ITPRID1: variants seen among roughly 807,000 people sequenced by gnomAD.
ITPRID1 encodes the protein protein ITPRID1.
Under a neutral mutation model 95.4 loss-of-function variants are expected in ITPRID1, and 96 were observed. The observed-to-expected ratio is 1.01, with a 90% CI of 0.85 to 1.19. The LOEUF is 1.19. ITPRID1 is among the 50% of genes most tolerant of loss of function. The pLI is 0.00. For missense variants in ITPRID1, 1,339 were observed against 1,252.9 expected, an observed-to-expected ratio of 1.07 and a Z score of -1.04; for synonymous variants, 510 against 453.6, an observed-to-expected ratio of 1.12 and a Z score of -1.58.
At chr7:31,637,856 T>G (rs1789639200) in intron 10 of ITPRID1, among the ~76,000 whole-genome samples, 1 of 152,232 alleles carries the variant, frequency 6.6e-6, no homozygotes, top group Admixed American at 6.5e-5. Flanking sequence ...CTTCTAGGGT[T>G]TTTATGGTTT....
rs918220553 is a variant in ITPRID1 at position 31,613,338 on chromosome 7, G to T, written c.1229-28838G>T. Among the ~76,000 whole-genome samples the T allele has an allele frequency of 1.3e-5, 2 of 151,982 alleles. 1 individual carries two copies. Among genetic ancestry groups the T allele is most frequent in the South Asian group, 4.2e-4 (2 of 4,818 alleles). ...ATTGAAAGCCTTTGGTTAATTTCTA[G>T]GGTTTTGAAAAAGTTAATTTTGACA... On this transcript the variant is annotated intron_variant, in intron 10 of 14. Coordinates refer to ENST00000615280, the MANE Select transcript of ITPRID1 (RefSeq NM_001257967.3).
At chr7:31,541,828 C>A (rs900828055) in intron 1 of ITPRID1, among the ~76,000 whole-genome samples, 1 of 152,010 alleles carries the variant, frequency 6.6e-6, no homozygotes, top group Non-Finnish European at 1.5e-5. Flanking sequence ...CCCTTTTTAA[C>A]CCTTTATAAT....
intron 2 of ITPRID1, among the ~76,000 whole-genome samples, 188 bp downstream of exon 2, chr7:31,549,687 A>G (rs1784219393): frequency 6.6e-6 from 1 of 152,180 alleles, no homozygotes; most frequent in South Asian, 2.1e-4. Flanking sequence ...TTGCTCTTTT[A>G]ACCAGACAAG....
intron 10 of ITPRID1, among the ~76,000 whole-genome samples, chr7:31,591,459 C>A (rs939739482): frequency 1.3e-5 from 2 of 152,150 alleles, no homozygotes; most frequent in African/African-American, 2.4e-5. Context: ...CAATTCTGGT[C>A]ACATAGCAAA....
intron 12 of ITPRID1, among the ~76,000 whole-genome samples, chr7:31,646,847 A>G (rs1478698459): frequency 6.6e-6 from 1 of 152,160 alleles, no homozygotes; most frequent in Admixed American, 6.5e-5. Context: ...TATTGCCTTC[A>G]CCTTCTTTCC....
At position 31,610,697 on chromosome 7, in the gene ITPRID1, T is replaced by C. The variant is rs543989173; in HGVS notation, c.1228+27506T>C. On this transcript the variant is annotated intron_variant, in intron 10 of 14. Transcript: ENST00000615280. ...ACTCTTTTATCATTATAAAATGTTT[T>C]TGTCTTTATTAACAATTTTTATCTT... Among the ~76,000 whole-genome samples the C allele has an allele frequency of 9.9e-5, 15 of 151,768 alleles. 1 individual carries two copies. Among genetic ancestry groups the C allele is most frequent in the Admixed American group, 4.6e-4 (7 of 15,252 alleles).
chr7:31,552,969 G>A (rs772208049), intron 2 of ITPRID1, 33 bp from the exon 3 acceptor site: 50 of 1,565,494 alleles, frequency 3.2e-5, no homozygotes, highest in Admixed American at 3.2e-4. Flanking sequence ...TGAACTCATC[G>A]TGTCTGATTT....
chr7:31,646,992 A>G (rs1435580198), intron 12 of ITPRID1, among the ~76,000 whole-genome samples: 5 of 152,258 alleles, frequency 3.3e-5, no homozygotes, highest in Non-Finnish European at 7.3e-5. Context: ...ATCCAAAGAA[A>G]TAGAAAAAAA....
intron 10 of ITPRID1, among the ~76,000 whole-genome samples, chr7:31,623,237 C>T (rs200361350): frequency 0.16 from 24,317 of 151,780 alleles, 2,237 homozygotes; most frequent in East Asian, 0.3. Context: ...AGAGGGAATC[C>T]TCCCTAACTC....
chr7:31,609,535 T>TTA (rs1181098732), intron 10 of ITPRID1, among the ~76,000 whole-genome samples: 3 of 151,614 alleles, frequency 2.0e-5, no homozygotes, highest in Non-Finnish European at 4.4e-5. Flanking sequence ...TTTCAATACC[T>TTA]TATACCTTTC....
intron 10 of ITPRID1, among the ~76,000 whole-genome samples, chr7:31,638,178 T>C (rs1232074388): frequency 1.3e-5 from 2 of 152,174 alleles, no homozygotes; most frequent in African/African-American, 4.8e-5. Context: ...CCACAGTTGA[T>C]ATAAGGAGGA....
chr7:31,585,687 T>C (rs1452553933), intron 10 of ITPRID1, among the ~76,000 whole-genome samples: 1 of 152,148 alleles, frequency 6.6e-6, no homozygotes, highest in African/African-American at 2.4e-5. Context: ...CTCACTTAGC[T>C]ATCAACTTGG....
chr7:31,519,620 C>CTCTCTCTCTCTCCATATA, intron 1 of ITPRID1, among the ~76,000 whole-genome samples: 2 of 25,254 alleles, frequency 7.9e-5, no homozygotes, highest in Non-Finnish European at 1.5e-4. Context: ...CTCTCTCTCT[C>CTCTCTCTCTCTCCATATA]TATATATATA....
intron 10 of ITPRID1, among the ~76,000 whole-genome samples, chr7:31,592,267 C>T (rs1785898221): frequency 6.6e-6 from 1 of 152,194 alleles, no homozygotes; most frequent in Admixed American, 6.5e-5. Flanking sequence ...TCCAATCCCA[C>T]AATCTAGCAA....
Position 31,651,930 on chromosome 7 carries a change from T to C in ITPRID1, c.2712-9T>C, listed in dbSNP as rs1294729947. 2 of 1,569,886 alleles carry C rather than the reference T, an allele frequency of 1.3e-6. No homozygotes were observed. The highest frequency in any genetic ancestry group is 1.7e-6 in the Non-Finnish European group (2 of 1,155,082). On this transcript the variant is annotated splice_polypyrimidine_tract_variant and intron_variant, in intron 13 of 14. Transcript: ENST00000615280. The stretch of plus-strand genomic sequence containing the variant: ...TTAAATTTGGTTATTTTCTATTATT[T>C]ACTTGCAGGGAGGAGGCCGAGCAAC...
intron 10 of ITPRID1, among the ~76,000 whole-genome samples, chr7:31,638,463 G>A (rs1472887847): frequency 2.0e-5 from 3 of 152,070 alleles, no homozygotes; most frequent in African/African-American, 7.2e-5. Flanking sequence ...AGGTGTTTAT[G>A]TTTGTAGACT....
At chr7:31,599,635 TTC>T (rs1279872312) in intron 10 of ITPRID1, among the ~76,000 whole-genome samples, 3,822 of 62,840 alleles carry the variant, frequency 0.061, 117 homozygotes, top group African/African-American at 0.086. Context: ...CTTTCTTTCT[TTC>T]TTTCTTTCTT....
intron 10 of ITPRID1, among the ~76,000 whole-genome samples, chr7:31,615,752 CTTTT>C (rs11324820): frequency 7.0e-6 from 1 of 143,408 alleles, no homozygotes; most frequent in African/African-American, 2.6e-5. Context: ...ACTGAGAATT[CTTTT>C]TTTTTTTTTT....
At chr7:31,582,019 T>C (rs552654657) in intron 9 of ITPRID1, among the ~76,000 whole-genome samples, 12 of 152,348 alleles carry the variant, frequency 7.9e-5, no homozygotes, top group African/African-American at 2.6e-4. Context: ...TAGAGGTCAT[T>C]TTTGGCCATG....
Sources: allele counts gnomAD v4.1 joint callset (sites outside exome capture counted in the v4.1 genomes callset), GRCh38; gene constraint gnomAD v4.1.1; transcripts MANE v1.5; gene names NCBI Gene and HGNC (gene_info 2026-07-23, HGNC 2026-07-21).